Variants in NBN observed in about 807,000 individuals in gnomAD.
NBN encodes the protein Nijmegen breakage syndrome 1 (nibrin).
Under a neutral mutation model 90.8 loss-of-function variants are expected in NBN, and 88 were observed. The observed-to-expected ratio is 0.97, with a 90% CI of 0.82 to 1.16. The LOEUF is 1.16. Ranked by LOEUF, NBN falls within the 50% of genes most tolerant of loss-of-function variation. The pLI is 0.00. For synonymous variants in NBN, 328 were observed against 295.1 expected (o/e 1.11, Z -1.14); for missense variants, 894 against 869.6 (o/e 1.03, Z -0.35).
intron 4 of NBN, among the ~76,000 whole-genome samples, chr8:89,978,724 G>C (rs1016542871): frequency 6.6e-6 from 1 of 152,134 alleles, no homozygotes; most frequent in African/African-American, 2.4e-5. Flanking sequence ...ACAATATTAG[G>C]AGATGAACAT....
chr8:89,971,064 T>C (rs1470026532), intron 6 of NBN, 109 bp downstream of exon 6: 6 of 1,257,246 alleles, frequency 4.8e-6, no homozygotes, highest in Non-Finnish European at 6.7e-6. Context: ...CTTCACACTT[T>C]TACACAAAAT....
At chr8:89,944,417 A>G (rs995762400) in intron 13 of NBN, among the ~76,000 whole-genome samples, 11 of 152,300 alleles carry the variant, frequency 7.2e-5, no homozygotes, top group Middle Eastern at 3.4e-3. Flanking sequence ...TTACAATCCC[A>G]AGCTCCCACC....
intron 11 of NBN, among the ~76,000 whole-genome samples, chr8:89,950,810 T>A (rs1173562643): frequency 3.3e-5 from 5 of 152,186 alleles, no homozygotes; most frequent in Admixed American, 3.3e-4. Context: ...TAGTGCTCAG[T>A]TCTTGTCTTT....
intron 11 of NBN, among the ~76,000 whole-genome samples, chr8:89,950,614 T>C (rs1810403039): frequency 6.6e-6 from 1 of 152,180 alleles, no homozygotes; most frequent in African/African-American, 2.4e-5. Context: ...TAATTTTCAT[T>C]TAGAATGTCA....
At chr8:89,983,192 A>G (rs1275097822) in intron 1 of NBN, among the ~76,000 whole-genome samples, 1 of 152,190 alleles carries the variant, frequency 6.6e-6, no homozygotes, top group Non-Finnish European at 1.5e-5. Flanking sequence ...AAAGGAGTCA[A>G]TGTTCCCTCA....
chr8:89,950,219 G>A (rs1273649472), intron 11 of NBN, among the ~76,000 whole-genome samples: 1 of 152,150 alleles, frequency 6.6e-6, no homozygotes, highest in Admixed American at 6.5e-5. Flanking sequence ...TGGTATCCCT[G>A]AGGAACTGGT....
chr8:89,944,739 A>T (rs1810111684), intron 13 of NBN, among the ~76,000 whole-genome samples: 1 of 152,036 alleles, frequency 6.6e-6, no homozygotes, highest in Admixed American at 6.6e-5. Flanking sequence ...CACCATGCCT[A>T]GCTAATTTTT....
At chr8:89,941,019 T>C (rs6985793) in intron 14 of NBN, among the ~76,000 whole-genome samples, 50,656 of 152,000 alleles carry the variant, frequency 0.33, 8,563 homozygotes, top group East Asian at 0.48. Flanking sequence ...ACCTGAAATG[T>C]AAAATTTTGA....
chr8:89,953,615 G>T lies in NBN; in HGVS notation c.1474C>A (p.Gln492Lys), dbSNP rs587782130. 2 of 1,613,190 alleles carry T rather than the reference G, an allele frequency of 1.2e-6. No individual in the cohort carries two copies. Among genetic ancestry groups the T allele is most frequent in the Non-Finnish European group, 1.7e-6 (2 of 1,179,650 alleles). ...RIETSCSLLE[Q>K]TQPATPSLWK... ...AATGAGGGTGTAGCAGGTTGTGTTT[G>T]TTCTAAAAGAGAACAAGACGTTTCT... Residue 492 changes from glutamine to lysine, a missense_variant, in exon 11 of 16, where the codon CAA (glutamine) becomes AAA (lysine). Transcript: ENST00000265433.
chr8:89,973,637 CAAGA>C (rs1268439756), intron 5 of NBN, among the ~76,000 whole-genome samples: 3 of 152,000 alleles, frequency 2.0e-5, no homozygotes, highest in Non-Finnish European at 4.4e-5. Flanking sequence ...ATGATGAGAG[CAAGA>C]AAGAAAAGAC....
At chr8:89,984,004 T>C (rs1191554139) in intron 1 of NBN, among the ~76,000 whole-genome samples, 2 of 152,146 alleles carry the variant, frequency 1.3e-5, no homozygotes, top group African/African-American at 4.8e-5. Context: ...CCGCTGGAAA[T>C]GAATGGGAAA....
At position 89,933,353 on chromosome 8, in the gene NBN, T is replaced by C. The variant is rs1275439581; in HGVS notation, c.*2229A>G. 1 of 215,640 alleles carries C rather than the reference T, an allele frequency of 4.6e-6. No homozygotes were observed. The highest frequency in any genetic ancestry group is 2.3e-5 in the African/African-American group (1 of 44,288). The allele number at this position is 215,640 out of a possible 1,614,324, so 13.4% of individuals were successfully genotyped here. Reference sequence around the variant, plus strand: ...GTATTTTCAACTTACATTGCGTTTATTACAATGTAATCCCAACTTAAGGAG... The same window carrying C: ...GTATTTTCAACTTACATTGCGTTTACTACAATGTAATCCCAACTTAAGGAG... On this transcript the variant is annotated 3_prime_UTR_variant, in exon 16 of 16. Coordinates refer to ENST00000265433, the MANE Select transcript of NBN (RefSeq NM_002485.5).
At chr8:89,967,736 A>G (rs1273805844) in intron 7 of NBN, among the ~76,000 whole-genome samples, 4 of 152,194 alleles carry the variant, frequency 2.6e-5, no homozygotes, top group Non-Finnish European at 1.5e-5. Context: ...ATCTTCTCCA[A>G]AAGACACTTA....
intron 4 of NBN, 82 bp from the exon 5 acceptor site, chr8:89,978,405 G>C: frequency 8.6e-7 from 1 of 1,163,086 alleles, no homozygotes; most frequent in Non-Finnish European, 1.3e-6. Context: ...AAACTACAAA[G>C]AGGCTGTTTA....
intron 7 of NBN, 65 bp from the exon 8 acceptor site, chr8:89,964,572 G>A (rs931254983): frequency 4.1e-6 from 6 of 1,474,792 alleles, no homozygotes; most frequent in Non-Finnish European, 5.6e-6. Flanking sequence ...TTCAGATAAT[G>A]TCAAGATAAA....
intron 10 of NBN, among the ~76,000 whole-genome samples, chr8:89,954,333 C>T (rs1810596680): frequency 6.6e-6 from 1 of 152,042 alleles, no homozygotes; most frequent in Non-Finnish European, 1.5e-5. Flanking sequence ...ACCCAATGTT[C>T]TATTAACACT....
Position 89,964,395 on chromosome 8 carries a change from T to C in NBN, c.994+15A>G, listed in dbSNP as rs1282981376. 4 of 1,613,394 alleles carry C rather than the reference T, an allele frequency of 2.5e-6. No individual in the cohort carries two copies. Among genetic ancestry groups the C allele is most frequent in the African/African-American group, 1.3e-5 (1 of 74,888 alleles). The stretch of plus-strand genomic sequence containing the variant: ...TAAAGTTGCTAACGAATCAATAAAA[T>C]AATGCTTCAATTACCTGTACTGGGA... On this transcript the variant is annotated intron_variant, in intron 8 of 15. Coordinates refer to ENST00000265433, the MANE Select transcript of NBN (RefSeq NM_002485.5).
intron 10 of NBN, among the ~76,000 whole-genome samples, chr8:89,954,123 TA>T (rs1810586685): frequency 6.6e-6 from 1 of 152,124 alleles, no homozygotes. Flanking sequence ...TCAGAGTGAC[TA>T]AATCTACAAT....
In NBN at chr8:89,981,460, T is replaced by G. The variant is rs786202749; in HGVS notation, c.235A>C (p.Asn79His). The G allele has an allele frequency of 1.9e-6, 3 of 1,613,888 alleles. No individual in the cohort carries two copies. Among genetic ancestry groups the G allele is most frequent in the Non-Finnish European group, 2.5e-6 (3 of 1,179,814 alleles). Residue 79 changes from asparagine (N) to histidine (H), a missense_variant, in exon 3 of 16, where the codon AAT becomes CAT. By Grantham distance (68) the Asn-to-His change is moderately conservative. Coordinates refer to ENST00000265433, the MANE Select transcript of NBN (RefSeq NM_002485.5). ...KDNSKYGTFV[N>H]EEKMQNGFSR... ...AAGCCATTCTGCATTTTTTCCTCAT[T>G]AACAAAGGTACCATACTTAGAATTA...
Sources: gnomAD v4.1 joint callset for allele counts (sites outside exome capture counted in the v4.1 genomes callset) on GRCh38, gnomAD v4.1.1 for gene constraint, MANE v1.5 for transcripts, NCBI Gene and HGNC (gene_info 2026-07-23, HGNC 2026-07-21) for gene names.